WWOX: variants seen among roughly 807,000 people sequenced by gnomAD.
WWOX encodes WW domain-containing oxidoreductase.
WWOX carries 69 observed loss-of-function variants against 46.2 expected under a neutral mutation model. The ratio of observed to expected loss-of-function variants is 1.49; its 90% CI spans 1.23 to 1.82. WWOX has a LOEUF of 1.82. Among genes scored for constraint, WWOX ranks in the 40% most tolerant of loss-of-function variants. The pLI is 0.00. For synonymous variants in WWOX, 359 were observed against 202.6 expected (o/e 1.77, Z -6.56); for missense variants, 919 against 542.6 (o/e 1.69, Z -6.89).
At chr16:78,229,731 A>C (rs903032101) in intron 5 of WWOX, among the ~76,000 whole-genome samples, 22 of 152,080 alleles carry the variant, frequency 1.4e-4, no homozygotes, top group Non-Finnish European at 2.8e-4. Flanking sequence ...CATGCAGACC[A>C]TGTGGAATCC....
intron 8 of WWOX, among the ~76,000 whole-genome samples, chr16:79,010,237 G>T (rs559102583): frequency 6.6e-6 from 1 of 152,332 alleles, no homozygotes; most frequent in South Asian, 2.1e-4. Flanking sequence ...CTGTGTGCCA[G>T]ACAAGAGTGA....
chr16:78,746,882 T>C (rs1448218018), intron 8 of WWOX, among the ~76,000 whole-genome samples: 1 of 152,110 alleles, frequency 6.6e-6, no homozygotes, highest in Non-Finnish European at 1.5e-5. Context: ...AGGTTGTTTG[T>C]TATGCGGCAG....
At chr16:78,528,956 C>G (rs1170388339) in intron 8 of WWOX, among the ~76,000 whole-genome samples, 1 of 141,414 alleles carries the variant, frequency 7.1e-6, no homozygotes, top group African/African-American at 2.6e-5. Context: ...TTCTTTCTTT[C>G]TTTCTTTTTT....
chr16:78,114,899 C>A, intron 3 of WWOX, 77 bp from the exon 4 acceptor site: 1 of 1,594,762 alleles, frequency 6.3e-7, no homozygotes, highest in East Asian at 2.2e-5. Flanking sequence ...TGGGGTTTTC[C>A]TAAAGTATAA....
chr16:79,107,844 AT>A (rs1278449306), intron 8 of WWOX, among the ~76,000 whole-genome samples: 3 of 152,220 alleles, frequency 2.0e-5, no homozygotes, highest in Admixed American at 1.3e-4. Flanking sequence ...ATGTCTAATA[AT>A]TCGACATTAG....
intron 8 of WWOX, among the ~76,000 whole-genome samples, chr16:78,479,529 T>A (rs899628927): frequency 6.6e-6 from 1 of 152,196 alleles, no homozygotes; most frequent in African/African-American, 2.4e-5. Context: ...GAAGTCACTT[T>A]GTGGCATGAT....
At chr16:78,994,232 T>C (rs1308648657) in intron 8 of WWOX, 1 of 150,864 alleles carries the variant, frequency 6.6e-6, no homozygotes, top group Non-Finnish European at 1.5e-5. Context: ...GTGTTTTTTT[T>C]CCCCTAGCGT....
At chr16:78,207,719 C>G (rs1395106080) in intron 5 of WWOX, among the ~76,000 whole-genome samples, 2 of 149,102 alleles carry the variant, frequency 1.3e-5, no homozygotes, top group East Asian at 2.0e-4. Context: ...TGTGATTGTG[C>G]CACTGCATTT....
intron 8 of WWOX, among the ~76,000 whole-genome samples, chr16:79,001,656 A>AT (rs1383588042): frequency 6.6e-6 from 1 of 151,696 alleles, no homozygotes; most frequent in African/African-American, 2.4e-5. Context: ...GAAAAAAAAA[A>AT]GGAGCTGGTG....
intron 8 of WWOX, among the ~76,000 whole-genome samples, chr16:78,854,655 A>G (rs1597725185): frequency 6.6e-6 from 1 of 152,114 alleles, no homozygotes; most frequent in East Asian, 1.9e-4. Flanking sequence ...ATCTCAGCTG[A>G]CTGCAACCTC....
intron 5 of WWOX, among the ~76,000 whole-genome samples, chr16:78,171,661 T>C (rs2035165502): frequency 6.6e-6 from 1 of 152,190 alleles, no homozygotes; most frequent in Non-Finnish European, 1.5e-5. Flanking sequence ...TAGTTGTAGA[T>C]TACCGGGAAG....
chr16:78,820,286 C>T (rs1334228928), intron 8 of WWOX, among the ~76,000 whole-genome samples: 1 of 152,162 alleles, frequency 6.6e-6, no homozygotes, highest in Non-Finnish European at 1.5e-5. Flanking sequence ...ATGTCCTTTC[C>T]ATGTGTGACC....
At chr16:78,114,444 C>T (rs2032665559) in intron 3 of WWOX, among the ~76,000 whole-genome samples, 1 of 152,120 alleles carries the variant, frequency 6.6e-6, no homozygotes, top group Non-Finnish European at 1.5e-5. Context: ...AGATCAATTC[C>T]AAATCAAAAT....
At chr16:79,209,661 C>G (rs779104065) in intron 8 of WWOX, among the ~76,000 whole-genome samples, 11 of 152,136 alleles carry the variant, frequency 7.2e-5, no homozygotes, top group Non-Finnish European at 1.6e-4. Context: ...ATACAAAACA[C>G]CATCTCCACC....
chr16:78,761,341 A>C (rs1481963184), intron 8 of WWOX, among the ~76,000 whole-genome samples: 1 of 152,086 alleles, frequency 6.6e-6, no homozygotes, highest in Non-Finnish European at 1.5e-5. Flanking sequence ...TTTACTCACA[A>C]ATTTAAAAGA....
chr16:78,560,411 G>A (rs896793699), intron 8 of WWOX, among the ~76,000 whole-genome samples: 1 of 152,210 alleles, frequency 6.6e-6, no homozygotes, highest in African/African-American at 2.4e-5. Context: ...GGGAGGCCGA[G>A]GTGGGTGGAT....
chr16:79,126,649 T>TCTGTGTAGCAGAATA (rs1423979042), intron 8 of WWOX, among the ~76,000 whole-genome samples: 2 of 152,176 alleles, frequency 1.3e-5, no homozygotes, highest in Admixed American at 1.3e-4. Context: ...CTCAGGTATT[T>TCTGTGTAGCAGAATA]CTGTGTAGCA....
At chr16:78,792,051 C>T (rs1189438459) in intron 8 of WWOX, among the ~76,000 whole-genome samples, 1 of 152,118 alleles carries the variant, frequency 6.6e-6, no homozygotes, top group Non-Finnish European at 1.5e-5. Flanking sequence ...ATCCCATAGT[C>T]AGCTTAGCCC....
intron 8 of WWOX, among the ~76,000 whole-genome samples, chr16:78,538,576 T>C (rs1037923354): frequency 6.6e-6 from 1 of 152,180 alleles, no homozygotes; most frequent in Non-Finnish European, 1.5e-5. Flanking sequence ...AACTGCTCAT[T>C]CTGTTCTCTG....
Sources: gnomAD v4.1 joint callset for allele counts (sites outside exome capture counted in the v4.1 genomes callset) on GRCh38, gnomAD v4.1.1 for gene constraint, MANE v1.5 for transcripts, NCBI Gene and HGNC (gene_info 2026-07-23, HGNC 2026-07-21) for gene names.